Variants in RALGAPA1 observed in about 807,000 individuals in gnomAD.
The protein encoded by RALGAPA1 is Ral GTPase activating protein catalytic subunit alpha 1.
Under a neutral mutation model 269.6 loss-of-function variants are expected in RALGAPA1, and 52 were observed. The ratio of observed to expected loss-of-function variants is 0.19; its 90% CI spans 0.15 to 0.24. The LOEUF is 0.24. RALGAPA1 is among the 10% of genes least tolerant of loss of function. RALGAPA1 has a pLI of 1.00. For synonymous variants in RALGAPA1, 817 were observed against 1,008.3 expected (o/e 0.81, Z 3.60); for missense variants, 1,917 against 3,013.9 (o/e 0.64, Z 8.52).
intron 3 of RALGAPA1, among the ~76,000 whole-genome samples, chr14:35,772,853 T>C (rs529379663): frequency 6.6e-6 from 1 of 152,324 alleles, no homozygotes; most frequent in South Asian, 2.1e-4. Context: ...GCTCAAATGA[T>C]GACATGCATA....
chr14:35,779,302 G>A (rs1389775567), intron 1 of RALGAPA1, among the ~76,000 whole-genome samples: 2 of 152,066 alleles, frequency 1.3e-5, no homozygotes, highest in African/African-American at 4.8e-5. Context: ...GAAGTGGGAG[G>A]GTTGTTTGAG....
At chr14:35,629,517 T>C (rs1014093584) in intron 33 of RALGAPA1, among the ~76,000 whole-genome samples, 8 of 152,284 alleles carry the variant, frequency 5.3e-5, no homozygotes, top group African/African-American at 1.9e-4. Context: ...TATTTTTTTA[T>C]TTTTGAGATG....
intron 31 of RALGAPA1, among the ~76,000 whole-genome samples, chr14:35,646,217 C>T (rs575690414): frequency 2.0e-5 from 3 of 152,168 alleles, no homozygotes; most frequent in African/African-American, 7.2e-5. Flanking sequence ...TTAGCAAAAC[C>T]AGTTAGTGGA....
At chr14:35,575,445 T>C (rs1449915084) in intron 37 of RALGAPA1, among the ~76,000 whole-genome samples, 1 of 152,176 alleles carries the variant, frequency 6.6e-6, no homozygotes, top group African/African-American at 2.4e-5. Flanking sequence ...TCAAATACAC[T>C]AGAATGTTAA....
At chr14:35,702,724 A>ATATATAT (rs5807841) in intron 16 of RALGAPA1, among the ~76,000 whole-genome samples, 14 of 132,680 alleles carry the variant, frequency 1.1e-4, no homozygotes, top group African/African-American at 4.0e-4. Flanking sequence ...TTAAAAAAAA[A>ATATATAT]AAATATATAT....
intron 14 of RALGAPA1, among the ~76,000 whole-genome samples, chr14:35,724,383 A>T (rs935701645): frequency 6.6e-6 from 1 of 152,190 alleles, no homozygotes; most frequent in African/African-American, 2.4e-5. Flanking sequence ...CTTGACATTA[A>T]GAATCATGTA....
intron 17 of RALGAPA1, among the ~76,000 whole-genome samples, chr14:35,697,336 TTTTG>T (rs1345181167): frequency 1.7e-5 from 2 of 117,630 alleles, no homozygotes; most frequent in Non-Finnish European, 3.9e-5. Flanking sequence ...CAGTGTTTTT[TTTTG>T]TTTTGTTTTG....
intron 27 of RALGAPA1, among the ~76,000 whole-genome samples, chr14:35,663,145 C>CCT (rs1192322192): frequency 6.6e-5 from 10 of 152,100 alleles, no homozygotes; most frequent in Middle Eastern, 3.4e-3. Flanking sequence ...CTCAAGCAAT[C>CCT]CTCCCACCTT....
chr14:35,701,128 C>G (rs942866741), intron 16 of RALGAPA1, among the ~76,000 whole-genome samples: 1 of 151,946 alleles, frequency 6.6e-6, no homozygotes, highest in Non-Finnish European at 1.5e-5. Flanking sequence ...GTCCCTAGTT[C>G]ACAAAAATTA....
rs760045509 is a variant in RALGAPA1 at position 35,805,683 on chromosome 14, CTTTTTTT to C, written c.106+3040_106+3046del. Among the ~76,000 whole-genome samples the C allele has an allele frequency of 8.1e-5, 11 of 135,488 alleles. No homozygotes were observed. In the Admixed American group the frequency reaches 8.2e-4, roughly 10 times the overall value. The allele number at this position is 135,488 out of a possible 152,430, so 88.9% of individuals were successfully genotyped here. Reference sequence around the variant, plus strand: ...ATACATATATATATTTTTTCTTTTTCTTTTTTTTTTTTTTTTCCTGAAACGGAGTCTC... The same window carrying C: ...ATACATATATATATTTTTTCTTTTTCTTTTTTTTTCCTGAAACGGAGTCTC... On this transcript the variant is annotated intron_variant, in intron 1 of 41. Transcript: ENST00000680220.
Position 35,539,311 on chromosome 14 carries a change from T to C in RALGAPA1, c.*403A>G, listed in dbSNP as rs2053758379. On this transcript the variant is annotated 3_prime_UTR_variant, in exon 42 of 42. Transcript: ENST00000680220. Reference sequence around the variant, plus strand: ...AAAGGGTGTAGAATAAAACTCCCCCTGCCCTCAAAATATGGCAGCTTGGAT... The same window carrying C: ...AAAGGGTGTAGAATAAAACTCCCCCCGCCCTCAAAATATGGCAGCTTGGAT... The C allele has an allele frequency of 8.3e-6, 3 of 361,098 alleles. No individual in the cohort carries two copies. Among genetic ancestry groups the C allele is most frequent in the Non-Finnish European group, 1.4e-5 (3 of 216,552 alleles). 22.4% of individuals were successfully genotyped at this position (361,098 alleles called of 1,614,324 possible).
At chr14:35,761,093 A>G in intron 5 of RALGAPA1, 87 bp from the exon 6 acceptor site, 1 of 967,000 alleles carries the variant, frequency 1.0e-6, no homozygotes, top group Middle Eastern at 2.8e-4. Flanking sequence ...AGATGATGAC[A>G]ACAGAATGAT....
At chr14:35,804,879 C>T (rs563144582) in intron 1 of RALGAPA1, among the ~76,000 whole-genome samples, 1 of 152,036 alleles carries the variant, frequency 6.6e-6, no homozygotes, top group East Asian at 1.9e-4. Context: ...CAATGAGCCA[C>T]GTTTGCAACA....
At position 35,777,134 on chromosome 14, in the gene RALGAPA1, G is replaced by A. The variant is rs181672903; in HGVS notation, c.107-1389C>T. Among the ~76,000 whole-genome samples, 8 of 152,086 alleles carry A rather than the reference G, an allele frequency of 5.3e-5. No individual in the cohort carries two copies. In the East Asian group the frequency reaches 1.5e-3, roughly 29 times the overall value. ...ATTTTAAGAAATAAAATGACACGGGGAAATTAATTGTAATAATATATTTTG... is the reference window on the plus strand; with the variant it reads ...ATTTTAAGAAATAAAATGACACGGGAAAATTAATTGTAATAATATATTTTG... On this transcript the variant is annotated intron_variant, in intron 1 of 41. Coordinates refer to ENST00000680220, the MANE Select transcript of RALGAPA1 (RefSeq NM_001346249.2).
intron 12 of RALGAPA1, among the ~76,000 whole-genome samples, chr14:35,730,014 A>C (rs2070324067): frequency 6.6e-6 from 1 of 152,144 alleles, no homozygotes; most frequent in Non-Finnish European, 1.5e-5. Flanking sequence ...CCTCTGAAGG[A>C]AGCAAACTGC....
chr14:35,753,807 C>A (rs183201786), intron 7 of RALGAPA1, among the ~76,000 whole-genome samples: 1 of 152,064 alleles, frequency 6.6e-6, no homozygotes, highest in East Asian at 1.9e-4. Flanking sequence ...CTGAACTGTA[C>A]GTTTTAAGTG....
intron 1 of RALGAPA1, among the ~76,000 whole-genome samples, chr14:35,792,878 A>AG (rs1281538049): frequency 1.6e-5 from 2 of 122,004 alleles, no homozygotes; most frequent in South Asian, 5.7e-4. Context: ...GAGATTCAAG[A>AG]GGGGAAAAAA....
At position 35,728,476 on chromosome 14, in the gene RALGAPA1, A is replaced by G; in HGVS notation, c.1622T>C (p.Leu541Pro). The G allele has an allele frequency of 6.2e-7, 1 of 1,607,062 alleles. No individual in the cohort carries two copies. The highest frequency in any genetic ancestry group is 1.1e-5 in the South Asian group (1 of 88,984). The change falls in exon 13 of 42, where the codon CTT (leucine) becomes CCT (proline). Residue 541 changes from leucine (L) to proline (P), a missense_variant. Around this residue, in one of 11 missense-constraint regions of RALGAPA1, gnomAD observed 462 missense variants for 725.6 expected, o/e 0.64. Coordinates refer to ENST00000680220, the MANE Select transcript of RALGAPA1 (RefSeq NM_001346249.2). Reference protein sequence around the residue: ...FIINSSNIFLLEPANEIKNLL... With the variant: ...FIINSSNIFLPEPANEIKNLL... ...ATTTTTTATTTCATTTGCAGGTTCAAGAAGAAATATATTTGATGAGTTTAT... is the reference window on the plus strand; with the variant it reads ...ATTTTTTATTTCATTTGCAGGTTCAGGAAGAAATATATTTGATGAGTTTAT...
At chr14:35,769,035 A>AAAAAAAAAAAAAG (rs1567192786) in intron 4 of RALGAPA1, among the ~76,000 whole-genome samples, 1 of 58,300 alleles carries the variant, frequency 1.7e-5, no homozygotes, top group African/African-American at 8.9e-5. Flanking sequence ...AAAAAAAAAA[A>AAAAAAAAAAAAAG]ATATATATAT....
Sources: gnomAD v4.1 joint callset for allele counts (sites outside exome capture counted in the v4.1 genomes callset) on GRCh38, gnomAD v4.1.1 for gene constraint, gnomAD v4.1.1 regional missense constraint, MANE v1.5 for transcripts, NCBI Gene and HGNC (gene_info 2026-07-23, HGNC 2026-07-21) for gene names.